Variants in SYN3 observed in about 807,000 individuals in gnomAD.
SYN3 encodes the protein synapsin III.
A neutral mutation model predicts 65.8 loss-of-function variants in SYN3; 35 were observed. That is an observed-to-expected ratio of 0.53 (90% confidence interval 0.41 to 0.70). The LOEUF is 0.70. Among genes scored for constraint, SYN3 ranks in the 30% least tolerant of loss-of-function variants. The pLI, the probability that SYN3 is intolerant of heterozygous loss-of-function variation, is 0.00. For missense variants in SYN3, 680 were observed against 749.0 expected (o/e 0.91, Z 1.08); for synonymous variants, 270 against 292.9 (o/e 0.92, Z 0.80).
At chr22:32,971,545 A>C (rs963558037) in intron 3 of SYN3, among the ~76,000 whole-genome samples, 20 of 152,134 alleles carry the variant, frequency 1.3e-4, no homozygotes, top group Non-Finnish European at 8.8e-5. Flanking sequence ...TCAAATAGGA[A>C]GATCAAATTA....
At chr22:32,698,848 T>C (rs771012015) in intron 6 of SYN3, among the ~76,000 whole-genome samples, 1 of 152,294 alleles carries the variant, frequency 6.6e-6, no homozygotes, top group East Asian at 1.9e-4. Context: ...GAAGAAGATA[T>C]GGGACATTAA....
intron 4 of SYN3, among the ~76,000 whole-genome samples, chr22:32,898,154 TC>T (rs1407371546): frequency 6.6e-6 from 1 of 152,130 alleles, no homozygotes; most frequent in African/African-American, 2.4e-5. Context: ...CGTCACCACA[TC>T]CGGCTAATTT....
intron 6 of SYN3, among the ~76,000 whole-genome samples, chr22:32,730,491 C>T (rs1233634258): frequency 6.6e-6 from 1 of 152,200 alleles, no homozygotes; most frequent in Admixed American, 6.5e-5. Context: ...TGATTTCCTA[C>T]ATAACTTGAT....
intron 1 of SYN3, among the ~76,000 whole-genome samples, chr22:33,017,075 GT>G (rs1171397004): frequency 6.6e-6 from 1 of 152,062 alleles, no homozygotes; most frequent in Non-Finnish European, 1.5e-5. Flanking sequence ...ATTTTGAGGT[GT>G]TTTTTTGTAT....
chr22:32,838,894 G>T lies in SYN3; in HGVS notation c.711+26021C>A, dbSNP rs550966720. On this transcript the variant is annotated intron_variant, in intron 6 of 13. Coordinates refer to ENST00000358763, the MANE Select transcript of SYN3 (RefSeq NM_003490.4). ...TCCCAGATGCAGTCCCTGCCATCCG[G>T]TAATTAGCGATGCTAGTGAGTGTCC... Among the ~76,000 whole-genome samples the T allele has an allele frequency of 2.0e-5, 3 of 151,862 alleles. No individual in the cohort carries two copies. In the East Asian group the frequency reaches 5.9e-4, roughly 30 times the overall value.
intron 6 of SYN3, among the ~76,000 whole-genome samples, chr22:32,712,698 G>T (rs2060982349): frequency 6.6e-6 from 1 of 152,158 alleles, no homozygotes; most frequent in Non-Finnish European, 1.5e-5. Flanking sequence ...CTGTTCATCT[G>T]CTCAGTGCCC....
At chr22:32,700,226 C>T (rs2060793025) in intron 6 of SYN3, among the ~76,000 whole-genome samples, 1 of 152,174 alleles carries the variant, frequency 6.6e-6, no homozygotes, top group Non-Finnish European at 1.5e-5. Flanking sequence ...GTCTTAAGCT[C>T]ATGTGAAGTC....
intron 2 of SYN3, among the ~76,000 whole-genome samples, chr22:32,995,981 C>A (rs1050478737): frequency 6.6e-6 from 1 of 152,006 alleles, no homozygotes; most frequent in South Asian, 2.1e-4. Flanking sequence ...AAACACTGGC[C>A]TCTGAGTTAC....
At chr22:32,579,621 A>AT (rs1453308637) in intron 7 of SYN3, among the ~76,000 whole-genome samples, 1 of 152,192 alleles carries the variant, frequency 6.6e-6, no homozygotes, top group African/African-American at 2.4e-5. Flanking sequence ...ATGGCAAGCC[A>AT]TTAGTCTCAA....
chr22:32,527,293 C>T (rs2057994326), intron 12 of SYN3, among the ~76,000 whole-genome samples: 1 of 152,180 alleles, frequency 6.6e-6, no homozygotes, highest in African/African-American at 2.4e-5. Flanking sequence ...TTTTCTGCCT[C>T]CTTGGGCAAA....
chr22:32,587,761 C>A (rs1454174858), intron 7 of SYN3, among the ~76,000 whole-genome samples: 1 of 152,184 alleles, frequency 6.6e-6, no homozygotes, highest in South Asian at 2.1e-4. Flanking sequence ...CTGGAAACAT[C>A]GCCTGGAGGA....
chr22:32,811,540 G>A (rs138424463), intron 6 of SYN3, among the ~76,000 whole-genome samples: 1 of 152,186 alleles, frequency 6.6e-6, no homozygotes, highest in African/African-American at 2.4e-5. Flanking sequence ...CAAATCTAAT[G>A]TGTTCCATTT....
Position 33,032,074 on chromosome 22 carries a change from G to T in SYN3, c.-162-25250C>A, listed in dbSNP as rs567826127. 2.0e-5 allele frequency among the ~76,000 whole-genome samples: 3 copies of T among 151,908 alleles called. No homozygotes were observed. In the East Asian group the frequency reaches 5.8e-4, roughly 29 times the overall value. On this transcript the variant is annotated intron_variant, in intron 1 of 13. Coordinates refer to ENST00000358763, the MANE Select transcript of SYN3 (RefSeq NM_003490.4). ...AAAATACAAAAATTAGCAGGGCGTG[G>T]TGGCGGGCGCCTGTAGTCCCAGCTA...
intron 4 of SYN3, among the ~76,000 whole-genome samples, chr22:32,882,379 G>A (rs958723566): frequency 6.6e-6 from 1 of 151,880 alleles, no homozygotes; most frequent in Non-Finnish European, 1.5e-5. Context: ...AAGTACCTAT[G>A]GTATTATATT....
rs150407384 is a variant in SYN3, at chr22:32,603,160, C to T, written c.712-6424G>A. On this transcript the variant is annotated intron_variant, in intron 6 of 13. Coordinates refer to ENST00000358763, the MANE Select transcript of SYN3 (RefSeq NM_003490.4). ...ATTGTCATGTAAGAAGGGCCAGGAACGGGACCAGGCACTTTATGGATGGTA... is the reference window on the plus strand; with the variant it reads ...ATTGTCATGTAAGAAGGGCCAGGAATGGGACCAGGCACTTTATGGATGGTA... Among the ~76,000 whole-genome samples the T allele has an allele frequency of 2.3e-3, 352 of 152,072 alleles. 2 individuals are homozygous for T. The highest frequency in any genetic ancestry group is 7.7e-3 in the African/African-American group (321 of 41,470).
intron 6 of SYN3, among the ~76,000 whole-genome samples, chr22:32,692,335 G>A (rs1456747385): frequency 6.6e-6 from 1 of 152,082 alleles, no homozygotes; most frequent in African/African-American, 2.4e-5. Context: ...TGGGAGGTGG[G>A]GAAGCCCTGG....
chr22:33,040,639 T>C (rs541953128), intron 1 of SYN3, among the ~76,000 whole-genome samples: 2 of 152,268 alleles, frequency 1.3e-5, no homozygotes, highest in East Asian at 1.9e-4. Flanking sequence ...ATATCCCCCA[T>C]AATCCCCATG....
At chr22:32,628,710 C>T (rs1203786983) in intron 6 of SYN3, among the ~76,000 whole-genome samples, 2 of 151,760 alleles carry the variant, frequency 1.3e-5, no homozygotes, top group Admixed American at 6.6e-5. Context: ...ATCATGCCAT[C>T]GCACTCCAGC....
At chr22:32,590,367 A>G (rs2059111647) in intron 7 of SYN3, among the ~76,000 whole-genome samples, 1 of 152,210 alleles carries the variant, frequency 6.6e-6, no homozygotes, top group Non-Finnish European at 1.5e-5. Flanking sequence ...TCAAGTTGCT[A>G]TATGTAGTTG....
Sources: gnomAD v4.1 joint callset for allele counts (sites outside exome capture counted in the v4.1 genomes callset) on GRCh38, gnomAD v4.1.1 for gene constraint, MANE v1.5 for transcripts, NCBI Gene and HGNC (gene_info 2026-07-23, HGNC 2026-07-21) for gene names.